The following AMY2B variants were observed in gnomAD, a reference collection of about 807,000 sequenced individuals.
AMY2B encodes amylase alpha 2B, also known as alpha-amylase 2B.
Under a neutral mutation model 59.3 loss-of-function variants are expected in AMY2B, and 63 were observed. That is an observed-to-expected ratio of 1.06 (90% CI 0.87 to 1.31). AMY2B has a LOEUF of 1.31. Among genes scored for constraint, AMY2B ranks in the 50% most tolerant of loss-of-function variants. AMY2B has a pLI of 0.00. For synonymous variants in AMY2B, 180 were observed against 198.1 expected (o/e 0.91, Z 0.77); for missense variants, 635 against 626.7 (o/e 1.01, Z -0.14).
exon 1 of AMY2B, chr1:103,554,957 G>A (rs557139183): frequency 6.6e-6 from 1 of 151,866 alleles, no homozygotes; most frequent in African/African-American, 2.4e-5. Context: ...AATATAAATG[G>A]TTCAGCTCTT....
At position 103,558,532 on chromosome 1, in the gene AMY2B, T is replaced by C. The variant is rs375269017; in HGVS notation, c.-207+3423T>C. 3.3e-5 allele frequency among the ~76,000 whole-genome samples: 5 copies of C among 152,100 alleles called. No homozygotes were observed. In the South Asian group the frequency reaches 6.2e-4, roughly 19 times the overall value. The stretch of plus-strand genomic sequence containing the variant: ...TTGGGTTCTAAATAATCAGTAATAT[T>C]TCAAAAAAAAGTATTAAAAGATATT... On this transcript the variant is annotated intron_variant, in intron 1 of 11. Coordinates refer to the AMY2B transcript ENST00000361355.
rs1323430519 is a variant in AMY2B, at chr1:103,573,246, A to G, written c.499A>G (p.Asn167Asp). ...KTGSGDIENYNDATQVRDCRL... is the reference protein window; with the variant it reads ...KTGSGDIENYDDATQVRDCRL... Reference sequence around the variant, plus strand: ...TGGAAGTGGAGATATCGAGAACTACAATGATGCTACTCAGGTAAATTTTTT... The same window carrying G: ...TGGAAGTGGAGATATCGAGAACTACGATGATGCTACTCAGGTAAATTTTTT... Residue 167 changes from asparagine (N) to aspartate (D), a missense_variant, in exon 3 of 10, where the codon AAT (asparagine) becomes GAT (aspartate). Coordinates refer to ENST00000684275, the MANE Select transcript of AMY2B (RefSeq NM_001387437.1). 1 of 1,613,638 alleles carries G rather than the reference A, an allele frequency of 6.2e-7. No homozygotes were observed. Among genetic ancestry groups the G allele is most frequent in the Admixed American group, 1.7e-5 (1 of 60,000 alleles).
chr1:103,574,863 T>C (rs918777884), intron 5 of AMY2B, among the ~76,000 whole-genome samples: 1 of 151,628 alleles, frequency 6.6e-6, no homozygotes, highest in Non-Finnish European at 1.5e-5. Flanking sequence ...TTGATCCTTC[T>C]GGAGTGCCTC....
intron 1 of AMY2B, among the ~76,000 whole-genome samples, chr1:103,560,052 CTTT>C (rs774960927): frequency 1.1e-4 from 17 of 151,914 alleles, no homozygotes; most frequent in Non-Finnish European, 2.1e-4. Flanking sequence ...TTAGAATATT[CTTT>C]TTTATTTCAA....
At chr1:103,557,244 A>G (rs1651586724) in intron 1 of AMY2B, among the ~76,000 whole-genome samples, 1 of 152,200 alleles carries the variant, frequency 6.6e-6, no homozygotes, top group Non-Finnish European at 1.5e-5. Context: ...CCCAACATGC[A>G]CAAGGTCTAA....
chr1:103,576,000 T>C (rs933099924), intron 7 of AMY2B, among the ~76,000 whole-genome samples: 2 of 152,092 alleles, frequency 1.3e-5, no homozygotes, highest in East Asian at 1.9e-4. Context: ...CTGAGTTAAA[T>C]AGGGAAAAGT....
chr1:103,571,742 T>C lies in AMY2B; in HGVS notation c.140T>C (p.Leu47Ser). ...VDIALECERY[L>S]APKGFGGVQV... Reference sequence around the variant, plus strand: ...ATTGCTCTTGAATGTGAGCGATATTTAGCTCCCAAGGGATTTGGAGGGGTT... The same window carrying C: ...ATTGCTCTTGAATGTGAGCGATATTCAGCTCCCAAGGGATTTGGAGGGGTT... The change falls in exon 1 of 10, where the codon TTA (leucine) becomes TCA (serine). Residue 47 changes from leucine (L) to serine (S), a missense_variant. Transcript: ENST00000684275. 1 of 1,611,866 alleles carries C rather than the reference T, an allele frequency of 6.2e-7. No homozygotes were observed. Among genetic ancestry groups the C allele is most frequent in the East Asian group, 2.2e-5 (1 of 44,872 alleles).
At chr1:103,556,447 A>G (rs1185916005) in intron 1 of AMY2B, among the ~76,000 whole-genome samples, 1 of 152,188 alleles carries the variant, frequency 6.6e-6, no homozygotes, top group Non-Finnish European at 1.5e-5. Context: ...GGTATCATCA[A>G]TTGTAGATTG....
chr1:103,571,028 G>T, upstream of AMY2B: 1 of 370,738 alleles, frequency 2.7e-6, no homozygotes. Context: ...GGGTATTAAT[G>T]TGTCAGGACT....
intron 1 of AMY2B, among the ~76,000 whole-genome samples, chr1:103,555,753 CT>C (rs1280763322): frequency 2.0e-5 from 3 of 152,040 alleles, no homozygotes; most frequent in Admixed American, 1.3e-4. Flanking sequence ...GAAGACAACT[CT>C]TAAAGAGTCT....
chr1:103,561,347 A>G lies in AMY2B; in HGVS notation c.-206-4088A>G, dbSNP rs530807097. 2.0e-3 allele frequency among the ~76,000 whole-genome samples: 299 copies of G among 152,204 alleles called. 3 individuals are homozygous for G. Among genetic ancestry groups the G allele is most frequent in the Non-Finnish European group, 2.0e-3 (135 of 68,010 alleles). On this transcript the variant is annotated intron_variant, in intron 1 of 11. Transcript: ENST00000361355. ...CAGTGGCGCAGTCTCGGCTCACTGC[A>G]ACCTCCACCTCCTGGGTTCAAGCAA...
chr1:103,570,464 C>G, upstream of AMY2B: 1 of 716,658 alleles, frequency 1.4e-6, no homozygotes, highest in South Asian at 1.3e-5. Flanking sequence ...GCAACATGTA[C>G]CCAGGCATCA....
At chr1:103,557,332 T>A (rs1171393122) in intron 1 of AMY2B, among the ~76,000 whole-genome samples, 1 of 152,094 alleles carries the variant, frequency 6.6e-6, no homozygotes, top group Admixed American at 6.6e-5. Context: ...GGTGGTTGTA[T>A]CTATTTAAAA....
intron 1 of AMY2B, among the ~76,000 whole-genome samples, chr1:103,560,830 A>G (rs1442154130): frequency 6.6e-6 from 1 of 152,168 alleles, no homozygotes; most frequent in Non-Finnish European, 1.5e-5. Flanking sequence ...ATTTTCATAT[A>G]ATATTTTATT....
At chr1:103,566,135 C>T (rs1490794873) in intron 2 of AMY2B, among the ~76,000 whole-genome samples, 1 of 152,072 alleles carries the variant, frequency 6.6e-6, no homozygotes, top group Non-Finnish European at 1.5e-5. Context: ...GCAATTTTAC[C>T]TATCTCTTTT....
upstream of AMY2B, chr1:103,569,853 A>G (rs555591253): frequency 5.2e-5 from 24 of 458,190 alleles, 1 homozygote; most frequent in South Asian, 4.4e-4. Flanking sequence ...TTGGAGGAGC[A>G]CCTGGTGCTG....
rs566639683 is a variant in AMY2B, at chr1:103,573,731, T to A, written c.537T>A (p.Gly179=). Residue 179 remains glycine (G), a synonymous_variant, in exon 4 of 10, where the codon GGT becomes GGA. Transcript: ENST00000684275. ...AGGTCAGAGATTGTCGTCTGGTTGG[T>A]CTTCTTGATCTTGCACTGGAGAAAG... ...ATQVRDCRLV[G]LLDLALEKDY... The A allele has an allele frequency of 3.7e-6, 6 of 1,613,740 alleles. No homozygotes were observed. The highest frequency in any genetic ancestry group is 5.1e-6 in the Non-Finnish European group (6 of 1,179,678).
chr1:103,576,234 T>A (rs1652348227), intron 7 of AMY2B, among the ~76,000 whole-genome samples: 1 of 152,176 alleles, frequency 6.6e-6, no homozygotes, highest in African/African-American at 2.4e-5. Flanking sequence ...AGACTTCAGA[T>A]CTAAAGCAGA....
chr1:103,574,380 A>T lies in AMY2B; in HGVS notation c.865A>T (p.Met289Leu), dbSNP rs1652261857. The T allele has an allele frequency of 6.2e-7, 1 of 1,611,640 alleles. No individual in the cohort carries two copies. Among genetic ancestry groups the T allele is most frequent in the South Asian group, 1.1e-5 (1 of 90,980 alleles). The part of the protein sequence containing the change: ...TVIRKWNGEK[M>L]SYLKNWGEGW... ...TATTCGCAAGTGGAATGGAGAGAAG[A>T]TGTCTTACCTAAAGTAAATAAATAC... The change falls in exon 5 of 10, where the codon ATG becomes TTG. Residue 289 changes from methionine to leucine, a missense_variant. Coordinates refer to ENST00000684275, the MANE Select transcript of AMY2B (RefSeq NM_001387437.1).
Sources: allele counts gnomAD v4.1 joint callset (sites outside exome capture counted in the v4.1 genomes callset), GRCh38; gene constraint gnomAD v4.1.1; transcripts MANE v1.5; gene names NCBI Gene and HGNC (gene_info 2026-07-23, HGNC 2026-07-21).